Variants in ETV5 observed in about 807,000 individuals in gnomAD.
ETV5 encodes ETS translocation variant 5.
A neutral mutation model predicts 70.0 loss-of-function variants in ETV5; 10 were observed. The observed-to-expected ratio is 0.14, with a 90% CI of 0.09 to 0.24. The LOEUF is 0.24. Among genes scored for constraint, ETV5 ranks in the 10% least tolerant of loss-of-function variants. ETV5 has a pLI of 1.00. For synonymous variants in ETV5, 216 were observed against 242.2 expected, an observed-to-expected ratio of 0.89 and a Z score of 1.01; for missense variants, 453 against 651.2, an observed-to-expected ratio of 0.70 and a Z score of 3.31.
chr3:186,098,393 G>A (rs1308333186), intron 5 of ETV5, among the ~76,000 whole-genome samples: 1 of 152,002 alleles, frequency 6.6e-6, no homozygotes, highest in Non-Finnish European at 1.5e-5. Context: ...TAGCTACATC[G>A]GGAGCCACCT....
chr3:186,049,668 C>A (rs371620596), intron 12 of ETV5, among the ~76,000 whole-genome samples: 2 of 152,176 alleles, frequency 1.3e-5, no homozygotes, highest in East Asian at 3.8e-4. Flanking sequence ...TTTAAAAATG[C>A]AAACTGTTGA....
rs373330948 is a variant in ETV5, at chr3:186,046,945, G to A, written c.*1694C>T. 2.2e-5 allele frequency: 5 copies of A among 230,596 alleles called. No homozygotes were observed. In the South Asian group the frequency reaches 9.1e-4, roughly 42 times the overall value. The allele number at this position is 230,596 out of a possible 1,614,324, so 14.3% of individuals were successfully genotyped here. ...TCTCATGTTTCCATAGCTATAAAGT[G>A]CACCCCTTATCCCTGCGAACCTCTT... On this transcript the variant is annotated 3_prime_UTR_variant, in exon 13 of 13. Coordinates refer to ENST00000306376, the MANE Select transcript of ETV5 (RefSeq NM_004454.3).
Position 186,081,026 on chromosome 3 carries a change from G to A in ETV5, c.362+20C>T, listed in dbSNP as rs756494739. On this transcript the variant is annotated intron_variant, in intron 6 of 12. Transcript: ENST00000306376. Reference sequence around the variant, plus strand: ...GAGCCTTTCTGGGCAGCCTTTCTTCGACTCCTCTTGCCCACTCACCAATAG... The same window carrying A: ...GAGCCTTTCTGGGCAGCCTTTCTTCAACTCCTCTTGCCCACTCACCAATAG... 3.1e-6 allele frequency: 5 copies of A among 1,590,204 alleles called. No individual in the cohort carries two copies. Among genetic ancestry groups the A allele is most frequent in the South Asian group, 1.1e-5 (1 of 88,302 alleles).
At chr3:186,081,205 TAGAG>T (rs1184380965) in intron 5 of ETV5, 30 bp from the exon 6 acceptor site, 1 of 1,597,064 alleles carries the variant, frequency 6.3e-7, no homozygotes. Flanking sequence ...GAGAGGGGAA[TAGAG>T]AGAGAACAGC....
intron 5 of ETV5, among the ~76,000 whole-genome samples, chr3:186,103,840 G>A (rs1714524594): frequency 6.6e-6 from 1 of 152,230 alleles, no homozygotes; most frequent in Non-Finnish European, 1.5e-5. Context: ...CCCTTTTACA[G>A]TTTCATGGCA....
intron 1 of ETV5, among the ~76,000 whole-genome samples, chr3:186,107,819 C>G (rs1714627196): frequency 6.6e-6 from 1 of 152,052 alleles, no homozygotes; most frequent in African/African-American, 2.4e-5. Context: ...AACTGGATCT[C>G]TAGCGCTGGG....
intron 7 of ETV5, among the ~76,000 whole-genome samples, chr3:186,069,620 C>T (rs910176327): frequency 6.6e-6 from 1 of 151,916 alleles, no homozygotes. Context: ...CCGCAACCTC[C>T]GCCTCCCGGG....
At position 186,065,989 on chromosome 3, in the gene ETV5, C is replaced by T. The variant is rs114869847; in HGVS notation, c.734G>A (p.Arg245Gln). ...AGGGACAATAGGTTCTGACATTTGCCGATGGTAACTGGGGCGATTATCTCC... is the reference window on the plus strand; with the variant it reads ...AGGGACAATAGGTTCTGACATTTGCTGATGGTAACTGGGGCGATTATCTCC... ...VPGDNRPSYH[R>Q]QMSEPIVPAA... The change falls in exon 8 of 13, where the codon CGG becomes CAG. Residue 245 changes from arginine to glutamine, a missense_variant. Physicochemically the swap from Arg to Gln is conservative, Grantham distance 43. Around this residue, in one of 4 missense-constraint regions of ETV5, gnomAD observed 307 missense variants for 344.9 expected, o/e 0.89. Coordinates refer to ENST00000306376, the MANE Select transcript of ETV5 (RefSeq NM_004454.3). 9.9e-6 allele frequency: 16 copies of T among 1,610,040 alleles called. No homozygotes were observed. The highest frequency in any genetic ancestry group is 6.7e-5 in the African/African-American group (5 of 74,678).
Position 186,046,473 on chromosome 3 carries a change from G to GCAAA in ETV5, c.*2162_*2165dup. The GCAAA allele has an allele frequency of 4.3e-6, 1 of 231,348 alleles. No individual in the cohort carries two copies. The highest frequency in any genetic ancestry group is 8.6e-6 in the Non-Finnish European group (1 of 116,804). The allele number at this position is 231,348 out of a possible 1,614,324, so 14.3% of individuals were successfully genotyped here. On this transcript the variant is annotated 3_prime_UTR_variant, in exon 13 of 13. Coordinates refer to ENST00000306376, the MANE Select transcript of ETV5 (RefSeq NM_004454.3). ...AGACTTTCCACACTCTGGAAAAGAA[G>GCAAA]CAAACAAACAAACCCCAAAGAACCC... is the stretch of plus-strand genomic sequence containing the variant.
In ETV5 at chr3:186,054,614, C is replaced by T. The variant is rs922932620; in HGVS notation, c.1209+2461G>A. On this transcript the variant is annotated intron_variant, in intron 11 of 12. Coordinates refer to ENST00000306376, the MANE Select transcript of ETV5 (RefSeq NM_004454.3). This position sits in a 1 kb window ranked among gnomAD's most constrained non-coding sequence, Gnocchi z 4.4. ...GTTCTAAAACCACAATTTCCATGCA[C>T]AGTGTAATGGATATTATGGATAATT... Among the ~76,000 whole-genome samples, 3 of 152,184 alleles carry T rather than the reference C, an allele frequency of 2.0e-5. No individual in the cohort carries two copies. Among genetic ancestry groups the T allele is most frequent in the Non-Finnish European group, 4.4e-5 (3 of 68,042 alleles).
At chr3:186,090,199 A>C (rs775238971) in intron 5 of ETV5, among the ~76,000 whole-genome samples, 5 of 152,192 alleles carry the variant, frequency 3.3e-5, no homozygotes, top group Non-Finnish European at 5.9e-5. Flanking sequence ...GAAGAAAGCC[A>C]CCCTTGGCCT....
Position 186,080,163 on chromosome 3 carries a change from C to T in ETV5, c.363-59G>A. 1.0e-5 allele frequency: 14 copies of T among 1,379,262 alleles called. No individual in the cohort carries two copies. In the South Asian group the frequency reaches 2.3e-4, roughly 22 times the overall value. The allele number at this position is 1,379,262 out of a possible 1,614,324, so 85.4% of individuals were successfully genotyped here. A position where few individuals can be genotyped will look rare whatever the true frequency, so the allele number is the denominator to read the frequency against. On this transcript the variant is annotated intron_variant, in intron 6 of 12. Coordinates refer to ENST00000306376, the MANE Select transcript of ETV5 (RefSeq NM_004454.3). The stretch of plus-strand genomic sequence containing the variant: ...TGAAATGAAGCCATTAGCATGGTTA[C>T]CAGGTCCAGCAGAAAGCTAGTTTGC...
chr3:186,069,853 T>C (rs1324517006), intron 7 of ETV5, among the ~76,000 whole-genome samples: 1 of 152,164 alleles, frequency 6.6e-6, no homozygotes, highest in East Asian at 1.9e-4. Flanking sequence ...CTTGTCCAGA[T>C]TGGAGTGCAG....
intron 6 of ETV5, 133 bp downstream of exon 6, chr3:186,080,913 A>G (rs1713918176): frequency 8.4e-6 from 9 of 1,068,844 alleles, no homozygotes; most frequent in South Asian, 7.9e-5. Flanking sequence ...GGAGGATGAC[A>G]CTGCCATGAA....
intron 5 of ETV5, among the ~76,000 whole-genome samples, chr3:186,092,721 G>A (rs1035137266): frequency 1.2e-4 from 18 of 151,914 alleles, no homozygotes; most frequent in Non-Finnish European, 2.6e-4. Flanking sequence ...GGCTTGAGCC[G>A]CTGCACCCAG....
chr3:186,077,470 T>C (rs1713823708), intron 7 of ETV5, among the ~76,000 whole-genome samples: 1 of 152,230 alleles, frequency 6.6e-6, no homozygotes, highest in South Asian at 2.1e-4. Context: ...AAAATCACTG[T>C]CACGTTTTTG....
chr3:186,081,690 T>G (rs1490387229), intron 5 of ETV5, among the ~76,000 whole-genome samples: 1 of 152,234 alleles, frequency 6.6e-6, no homozygotes, highest in Non-Finnish European at 1.5e-5. Flanking sequence ...CAAGTAACTT[T>G]AAATATCAGC....
intron 5 of ETV5, among the ~76,000 whole-genome samples, chr3:186,098,453 G>A (rs1324449162): frequency 6.6e-6 from 1 of 152,110 alleles, no homozygotes; most frequent in East Asian, 1.9e-4. Context: ...CAGATTTTCT[G>A]GCTGCAGAGG....
chr3:186,053,983 T>C (rs776609748), intron 11 of ETV5, among the ~76,000 whole-genome samples: 7 of 152,216 alleles, frequency 4.6e-5, no homozygotes, highest in African/African-American at 7.2e-5. Context: ...AAACAATCCT[T>C]GAATATTCTT....
Sources: allele counts gnomAD v4.1 joint callset (sites outside exome capture counted in the v4.1 genomes callset), GRCh38; gene constraint gnomAD v4.1.1; regional missense constraint gnomAD v4.1.1; non-coding constraint Gnocchi (gnomAD v3.1); transcripts MANE v1.5; gene names NCBI Gene and HGNC (gene_info 2026-07-23, HGNC 2026-07-21).